The following SLC24A4 variants were observed in gnomAD, a reference collection of about 807,000 sequenced individuals.
SLC24A4 encodes solute carrier family 24 member 4.
SLC24A4 carries 53 observed loss-of-function variants against 79.0 expected under a neutral mutation model. The ratio of observed to expected loss-of-function variants is 0.67; its 90% CI spans 0.54 to 0.84. The LOEUF is 0.84. Ranked by LOEUF, SLC24A4 falls within the 40% of genes least tolerant of loss-of-function variation. The pLI is 0.00. For synonymous variants in SLC24A4, 323 were observed against 323.8 expected, an observed-to-expected ratio of 1.00 and a Z score of 0.03; for missense variants, 731 against 822.0, an observed-to-expected ratio of 0.89 and a Z score of 1.35.
intron 12 of SLC24A4, among the ~76,000 whole-genome samples, chr14:92,474,371 C>T (rs61977316): frequency 0.053 from 7,998 of 152,206 alleles, 311 homozygotes; most frequent in Non-Finnish European, 0.081. Flanking sequence ...ATCCAGCAGG[C>T]CCCTGCCTGC....
chr14:92,352,148 C>T (rs1886931643), intron 2 of SLC24A4, among the ~76,000 whole-genome samples: 1 of 151,902 alleles, frequency 6.6e-6, no homozygotes, highest in African/African-American at 2.4e-5. Context: ...AGGGGGTTTG[C>T]CAGGGAAGAG....
At chr14:92,425,552 G>A (rs1891518403) in intron 2 of SLC24A4, among the ~76,000 whole-genome samples, 1 of 152,210 alleles carries the variant, frequency 6.6e-6, no homozygotes, top group Non-Finnish European at 1.5e-5. Flanking sequence ...GTGGGTCACA[G>A]TCCTGTTGTC....
At chr14:92,432,985 T>G (rs1330569679) in intron 2 of SLC24A4, among the ~76,000 whole-genome samples, 1 of 152,206 alleles carries the variant, frequency 6.6e-6, no homozygotes, top group Non-Finnish European at 1.5e-5. Flanking sequence ...ATACATATTG[T>G]TATTTTTGTT....
chr14:92,341,392 C>T (rs371987996), intron 2 of SLC24A4, among the ~76,000 whole-genome samples: 10 of 152,336 alleles, frequency 6.6e-5, no homozygotes, highest in African/African-American at 1.9e-4. Flanking sequence ...GGCCTTCAGC[C>T]TGGAGAAGCC....
chr14:92,453,881 A>C lies in SLC24A4; in HGVS notation c.881-19A>C. On this transcript the variant is annotated intron_variant, in intron 10 of 16. Coordinates refer to ENST00000532405, the MANE Select transcript of SLC24A4 (RefSeq NM_153646.4). The stretch of plus-strand genomic sequence containing the variant: ...GTCCTCAGAGAGATCAGCACTAATC[A>C]CGGTGTTGCGCTCAACAGTGAAGGA... The C allele has an allele frequency of 6.3e-7, 1 of 1,597,172 alleles. No individual in the cohort carries two copies. The highest frequency in any genetic ancestry group is 8.5e-7 in the Non-Finnish European group (1 of 1,172,420).
At chr14:92,334,729 A>G (rs1439142571) in intron 2 of SLC24A4, among the ~76,000 whole-genome samples, 4 of 152,148 alleles carry the variant, frequency 2.6e-5, no homozygotes, top group African/African-American at 9.7e-5. Flanking sequence ...TGGACAAGTT[A>G]CATAATCTTG....
chr14:92,476,133 G>T (rs991268775), intron 12 of SLC24A4, among the ~76,000 whole-genome samples: 1 of 152,152 alleles, frequency 6.6e-6, no homozygotes, highest in Non-Finnish European at 1.5e-5. Flanking sequence ...GTATATACCC[G>T]CAAAGACGTT....
chr14:92,483,858 G>A (rs756905342), intron 13 of SLC24A4: 2 of 1,289,714 alleles, frequency 1.6e-6, no homozygotes, highest in South Asian at 2.5e-5. Context: ...GACACCAGCA[G>A]CAGAGAAGGC....
At chr14:92,409,522 C>T (rs1890591078) in intron 2 of SLC24A4, among the ~76,000 whole-genome samples, 1 of 152,136 alleles carries the variant, frequency 6.6e-6, no homozygotes. Context: ...GATAACATAC[C>T]TATGGGAAAG....
chr14:92,326,034 G>A (rs1196035595), intron 2 of SLC24A4, 56 bp downstream of exon 2: 2 of 1,290,998 alleles, frequency 1.5e-6, no homozygotes, highest in Non-Finnish European at 2.2e-6. Flanking sequence ...CTGGCCTGGA[G>A]ATGGCGCTTA....
At chr14:92,375,646 C>CA (rs1888458548) in intron 2 of SLC24A4, among the ~76,000 whole-genome samples, 1 of 152,236 alleles carries the variant, frequency 6.6e-6, no homozygotes, top group Admixed American at 6.5e-5. Flanking sequence ...AGTACTGCTA[C>CA]ATGCCACAAC....
At chr14:92,445,392 A>G (rs1675743039) in intron 8 of SLC24A4, 50 bp downstream of exon 8, 2 of 1,587,574 alleles carry the variant, frequency 1.3e-6, no homozygotes, top group Admixed American at 1.7e-5. Flanking sequence ...TGTTGTTTCC[A>G]GTATCCTTAT....
chr14:92,446,114 A>G (rs541224054), intron 8 of SLC24A4, among the ~76,000 whole-genome samples: 23 of 152,280 alleles, frequency 1.5e-4, no homozygotes, highest in Non-Finnish European at 2.9e-4. Flanking sequence ...TGCATCTTAC[A>G]TTTGTAACTC....
At chr14:92,379,086 C>T (rs539392869) in intron 2 of SLC24A4, among the ~76,000 whole-genome samples, 3 of 152,108 alleles carry the variant, frequency 2.0e-5, no homozygotes, top group Admixed American at 6.5e-5. Flanking sequence ...AGCTAGCTAG[C>T]TAGCTAGATA....
At chr14:92,424,556 A>T (rs1257656374) in intron 2 of SLC24A4, among the ~76,000 whole-genome samples, 8 of 151,538 alleles carry the variant, frequency 5.3e-5, no homozygotes, top group Admixed American at 5.3e-4. Context: ...GAGAAGAGAG[A>T]TGCTCTGTTT....
rs143375295 is a variant in SLC24A4 at position 92,408,166 on chromosome 14, A to AGTGTGTGTGTGTGTGTGTGTGT, written c.242-25731_242-25710dup. The stretch of plus-strand genomic sequence containing the variant: ...TTATATGTATGCTTGTTGCTACAGC[A>AGTGTGTGTGTGTGTGTGTGTGT]GTGTGTGTGTGTGTGTGTGTGTGTG... On this transcript the variant is annotated intron_variant, in intron 2 of 16. Transcript: ENST00000532405. Among the ~76,000 whole-genome samples the AGTGTGTGTGTGTGTGTGTGTGT allele has an allele frequency of 2.2e-3, 298 of 136,880 alleles. 3 individuals are homozygous for AGTGTGTGTGTGTGTGTGTGTGT. The highest frequency in any genetic ancestry group is 5.9e-3 in the East Asian group (26 of 4,400). 89.8% of individuals were successfully genotyped at this position (136,880 alleles called of 152,430 possible).
intron 2 of SLC24A4, among the ~76,000 whole-genome samples, chr14:92,369,405 C>T (rs1256436184): frequency 1.3e-5 from 2 of 151,778 alleles, no homozygotes; most frequent in African/African-American, 4.8e-5. Flanking sequence ...ATATGTGGGG[C>T]GATCTACAAG....
At chr14:92,399,104 C>T (rs1322416142) in intron 2 of SLC24A4, among the ~76,000 whole-genome samples, 2 of 152,078 alleles carry the variant, frequency 1.3e-5, no homozygotes, top group African/African-American at 4.8e-5. Flanking sequence ...TGGGGAGAGC[C>T]CTGCTAATTT....
intron 2 of SLC24A4, among the ~76,000 whole-genome samples, chr14:92,370,955 A>G (rs1196171987): frequency 6.6e-6 from 1 of 152,224 alleles, no homozygotes; most frequent in Non-Finnish European, 1.5e-5. Context: ...CCTCAAAATT[A>G]GGTGTTCCAG....
Sources: gnomAD v4.1 joint callset for allele counts (sites outside exome capture counted in the v4.1 genomes callset) on GRCh38, gnomAD v4.1.1 for gene constraint, MANE v1.5 for transcripts, NCBI Gene and HGNC (gene_info 2026-07-23, HGNC 2026-07-21) for gene names.